The following TBC1D8B variants were observed in gnomAD, a reference collection of about 807,000 sequenced individuals.
TBC1D8B encodes the protein TBC1 domain family member 8B, also known as RP11-321G1.1.
In TBC1D8B, 75 loss-of-function variants were observed where a neutral mutation model predicts 82.9. The ratio of observed to expected loss-of-function variants is 0.90; its 90% CI spans 0.75 to 1.10. The LOEUF (loss-of-function observed/expected upper bound fraction) is 1.10, where lower values mean the gene tolerates loss of function less well. TBC1D8B is among the 50% of genes least tolerant of loss of function. TBC1D8B has a pLI of 0.00. For synonymous variants in TBC1D8B, 276 were observed against 276.8 expected, an observed-to-expected ratio of 1.00 and a Z score of 0.03; for missense variants, 794 against 796.9, an observed-to-expected ratio of 1.00 and a Z score of 0.04.
rs761909119 is a variant in TBC1D8B at position 106,873,392 on chromosome X, C to T, written c.2968-178C>T. Among the ~76,000 whole-genome samples the T allele has an allele frequency of 3.6e-5, 4 of 112,201 alleles. No individual in the cohort carries two copies. The South Asian group carries it at 1.1e-3, about 32-fold the overall frequency. ...TACAGGCATGTGCCACCGCGCCTGG[C>T]CCATACTCACCTTTCTAGAACCAAT... On this transcript the variant is annotated intron_variant, in intron 20 of 20. Transcript: ENST00000357242.
At chrX:106,837,460 C>A (rs1932199969) in intron 7 of TBC1D8B, among the ~76,000 whole-genome samples, 1 of 111,619 alleles carries the variant, frequency 9.0e-6, no homozygotes, top group African/African-American at 3.2e-5. Context: ...TATCATTAGT[C>A]AATAGAGAAA....
intron 14 of TBC1D8B, among the ~76,000 whole-genome samples, chrX:106,862,824 C>G (rs1932788109): frequency 1.2e-5 from 1 of 85,852 alleles, no homozygotes; most frequent in Non-Finnish European, 2.2e-5. Flanking sequence ...CTTTGATGCC[C>G]TTGGGGGTTT....
rs1289335236 is a variant in TBC1D8B, at chrX:106,864,878, T to C, written c.2353-681T>C. Among the ~76,000 whole-genome samples, 14 of 112,176 alleles carry C rather than the reference T, an allele frequency of 1.2e-4. No homozygotes were observed. In the East Asian group the frequency reaches 3.9e-3, roughly 31 times the overall value. On this transcript the variant is annotated intron_variant, in intron 14 of 20. Transcript: ENST00000357242. ...ATTATCCACTTCTCGATGATAGTCA[T>C]TTGTGATTTCTTTCATCTCACTTGC... is the stretch of plus-strand genomic sequence containing the variant.
At position 106,875,352 on chromosome X, in the gene TBC1D8B, G is replaced by C. The variant is rs1336323861; in HGVS notation, c.*1387G>C. 8.9e-6 allele frequency: 1 copy of C among 111,790 alleles called. No individual in the cohort carries two copies. The highest frequency in any genetic ancestry group is 1.9e-5 in the Non-Finnish European group (1 of 53,170). 9.2% of individuals were successfully genotyped at this position (111,790 alleles called of 1,213,427 possible). On this transcript the variant is annotated 3_prime_UTR_variant, in exon 21 of 21. Coordinates refer to ENST00000357242, the MANE Select transcript of TBC1D8B (RefSeq NM_017752.3). ...GAGGGAGTTGGTACAGTCAGCCTTT[G>C]GGAAGAATCCACTGTGAACAAAGCT...
At chrX:106,847,693 G>C (rs778698854) in intron 10 of TBC1D8B, among the ~76,000 whole-genome samples, 12 of 111,459 alleles carry the variant, frequency 1.1e-4, no homozygotes, top group Admixed American at 1.0e-3. Context: ...AGGGTTTTCA[G>C]CATAATCAAA....
intron 1 of TBC1D8B, among the ~76,000 whole-genome samples, chrX:106,809,423 T>C (rs747585544): frequency 4.5e-5 from 5 of 111,613 alleles, no homozygotes; most frequent in Non-Finnish European, 9.4e-5. Context: ...TAGGATGAGC[T>C]GTGGACAGAG....
At position 106,802,772 on chromosome X, in the gene TBC1D8B, A is replaced by G; in HGVS notation, c.-82A>G. ...CGCCTGAGGAAGATTTGGTGGGAGG[A>G]GAAGCAGAGGGGAAGAGACGGGTTG... On this transcript the variant is annotated 5_prime_UTR_variant, in exon 1 of 21. Coordinates refer to ENST00000357242, the MANE Select transcript of TBC1D8B (RefSeq NM_017752.3). The G allele has an allele frequency of 8.6e-7, 1 of 1,164,639 alleles. No homozygotes were observed. Among genetic ancestry groups the G allele is most frequent in the Non-Finnish European group, 1.2e-6 (1 of 863,417 alleles).
chrX:106,864,146 G>A (rs1015941138), intron 14 of TBC1D8B, among the ~76,000 whole-genome samples: 1 of 111,502 alleles, frequency 9.0e-6, no homozygotes, highest in African/African-American at 3.3e-5. Flanking sequence ...TCTGCAAACC[G>A]TCTGGGTGGC....
intron 12 of TBC1D8B, among the ~76,000 whole-genome samples, chrX:106,850,561 C>A (rs1367223244): frequency 9.0e-6 from 1 of 111,699 alleles, no homozygotes; most frequent in Non-Finnish European, 1.9e-5. Context: ...ATTCAGTATG[C>A]TAGGACTTTC....
At chrX:106,856,769 T>C (rs1932706002) in intron 14 of TBC1D8B, among the ~76,000 whole-genome samples, 1 of 111,985 alleles carries the variant, frequency 8.9e-6, no homozygotes, top group South Asian at 3.7e-4. Flanking sequence ...AAATGTTCTT[T>C]AGTAAGCATT....
intron 7 of TBC1D8B, among the ~76,000 whole-genome samples, chrX:106,830,571 C>T (rs374542564): frequency 2.7e-5 from 3 of 110,559 alleles, no homozygotes; most frequent in South Asian, 3.9e-4. Context: ...ATAGACTGGA[C>T]TAAGAAAATA....
At chrX:106,871,116 G>A (rs1263238791) in intron 20 of TBC1D8B, among the ~76,000 whole-genome samples, 2 of 111,199 alleles carry the variant, frequency 1.8e-5, no homozygotes, top group African/African-American at 6.5e-5. Flanking sequence ...GTAAACATTT[G>A]TTTACTGTAT....
intron 3 of TBC1D8B, 124 bp from the exon 4 acceptor site, chrX:106,821,853 G>A (rs1931702037): frequency 3.5e-6 from 2 of 571,175 alleles, no homozygotes; most frequent in Non-Finnish European, 5.3e-6. Context: ...TTGAATCCAT[G>A]GATGAGGAAC....
At chrX:106,844,666 TTA>T (rs1452932434) in intron 10 of TBC1D8B, among the ~76,000 whole-genome samples, 1 of 109,625 alleles carries the variant, frequency 9.1e-6, no homozygotes, top group Non-Finnish European at 1.9e-5. Flanking sequence ...TTGAGGATTT[TTA>T]TGCTTATATT....
At chrX:106,815,008 C>G (rs1402379909) in intron 1 of TBC1D8B, 2 of 111,223 alleles carry the variant, frequency 1.8e-5, no homozygotes, top group Non-Finnish European at 3.8e-5. Context: ...CCTGTTCACT[C>G]TGATGGTAGT....
intron 7 of TBC1D8B, among the ~76,000 whole-genome samples, chrX:106,831,457 G>A (rs1254990809): frequency 9.0e-6 from 1 of 111,014 alleles, no homozygotes; most frequent in Non-Finnish European, 1.9e-5. Flanking sequence ...AGTTTGATGT[G>A]GGAATACAAG....
intron 20 of TBC1D8B, among the ~76,000 whole-genome samples, chrX:106,871,873 A>G (rs1480717591): frequency 1.8e-5 from 2 of 111,975 alleles, no homozygotes; most frequent in Non-Finnish European, 3.8e-5. Flanking sequence ...AGCCAGAAGA[A>G]GAGATACACA....
chrX:106,866,855 T>G lies in TBC1D8B; in HGVS notation c.2721T>G (p.Ile907Met). 1.7e-6 allele frequency: 2 copies of G among 1,179,207 alleles called. No individual in the cohort carries two copies. The highest frequency in any genetic ancestry group is 2.3e-6 in the Non-Finnish European group (2 of 874,282). Residue 907 changes from isoleucine to methionine, a missense_variant, in exon 17 of 21, where the codon ATT becomes ATG. Ile to Met is a conservative substitution (Grantham distance 10, BLOSUM62 1). Coordinates refer to ENST00000357242, the MANE Select transcript of TBC1D8B (RefSeq NM_017752.3). ...TTAAGCTGCTTTTTAAGCTACATAT[T>G]CCTCCAGGTAAGAGTTTACCAGTCT... ...EKLKLLFKLHIPPAYTEVKSK... is the reference protein window; with the variant it reads ...EKLKLLFKLHMPPAYTEVKSK...
intron 4 of TBC1D8B, among the ~76,000 whole-genome samples, chrX:106,822,935 C>T (rs1478658391): frequency 3.6e-5 from 4 of 110,487 alleles, no homozygotes; most frequent in African/African-American, 6.6e-5. Context: ...CACTTGAACC[C>T]GGGAGGTCAA....
Sources: gnomAD v4.1 joint callset for allele counts (sites outside exome capture counted in the v4.1 genomes callset) on GRCh38, gnomAD v4.1.1 for gene constraint, MANE v1.5 for transcripts, NCBI Gene and HGNC (gene_info 2026-07-23, HGNC 2026-07-21) for gene names.